The following EYS variants were observed in gnomAD, a reference collection of about 807,000 sequenced individuals.
EYS encodes EGF-like photoreceptor maintenance factor.
A neutral mutation model predicts 282.1 loss-of-function variants in EYS; 250 were observed. The observed-to-expected ratio is 0.89, with a 90% CI of 0.80 to 0.98. EYS has a LOEUF of 0.98. Ranked by LOEUF, EYS falls within the 50% of genes least tolerant of loss-of-function variation. The probability of loss-of-function intolerance (pLI) is 0.00; values close to 1 mark genes in which losing one functional copy is unlikely to be tolerated. For synonymous variants in EYS, 1,355 were observed against 1,282.9 expected (o/e 1.06, Z -1.20); for missense variants, 4,016 against 3,709.0 (o/e 1.08, Z -2.15).
At chr6:64,807,438 C>T (rs1480068284) in intron 22 of EYS, among the ~76,000 whole-genome samples, 1 of 151,904 alleles carries the variant, frequency 6.6e-6, no homozygotes, top group African/African-American at 2.4e-5. Flanking sequence ...TTCCCTCAGC[C>T]CTAAAACTCA....
intron 36 of EYS, among the ~76,000 whole-genome samples, chr6:63,845,681 C>CT (rs143190194): frequency 2.3e-4 from 35 of 151,770 alleles, no homozygotes; most frequent in Non-Finnish European, 4.7e-4. Context: ...GTCTAGGGGA[C>CT]TTTTTTTTAT....
intron 26 of EYS, among the ~76,000 whole-genome samples, chr6:64,445,590 T>G (rs566519422): frequency 2.0e-5 from 3 of 152,224 alleles, no homozygotes; most frequent in Non-Finnish European, 4.4e-5. Context: ...CAGATGGATG[T>G]ATGTTTATGG....
chr6:65,189,614 A>G (rs1419329365), intron 12 of EYS, among the ~76,000 whole-genome samples: 1 of 151,780 alleles, frequency 6.6e-6, no homozygotes, highest in African/African-American at 2.4e-5. Flanking sequence ...TACGTTAAAG[A>G]AGGTTTACAA....
chr6:64,442,156 G>C (rs1338353910), intron 26 of EYS, among the ~76,000 whole-genome samples: 1 of 152,158 alleles, frequency 6.6e-6, no homozygotes, highest in Non-Finnish European at 1.5e-5. Flanking sequence ...CTAAGACAGA[G>C]ATTAGGAACT....
At chr6:63,944,475 TTGTATTTTCATGTACAACATGA>T (rs774736709) in intron 35 of EYS, among the ~76,000 whole-genome samples, 5 of 152,228 alleles carry the variant, frequency 3.3e-5, no homozygotes, top group Non-Finnish European at 7.3e-5. Flanking sequence ...TGACAGATAA[TTGTATTTTCATGTACAACATGA>T]TGTTTCAAAG....
chr6:64,769,942 TAC>T (rs1012097681), intron 22 of EYS, among the ~76,000 whole-genome samples: 23 of 152,042 alleles, frequency 1.5e-4, no homozygotes, highest in Admixed American at 1.1e-3. Flanking sequence ...TGTATATATA[TAC>T]ACACACACAT....
intron 30 of EYS, among the ~76,000 whole-genome samples, chr6:64,269,504 C>A (rs1767869771): frequency 6.6e-6 from 1 of 151,864 alleles, no homozygotes. Context: ...CTAAAACCAA[C>A]CAACCGACTA....
chr6:64,163,336 T>C (rs1203903640), intron 31 of EYS, among the ~76,000 whole-genome samples: 1 of 152,128 alleles, frequency 6.6e-6, no homozygotes, highest in African/African-American at 2.4e-5. Flanking sequence ...TTTTTATGCC[T>C]TCTTAAAAAG....
At chr6:64,119,399 A>G (rs183419451) in intron 31 of EYS, among the ~76,000 whole-genome samples, 3 of 152,330 alleles carry the variant, frequency 2.0e-5, no homozygotes, top group Admixed American at 1.3e-4. Flanking sequence ...TTGATACAGC[A>G]TAAGTATAAT....
chr6:64,550,163 T>C (rs1474922266), intron 26 of EYS, among the ~76,000 whole-genome samples: 1 of 152,174 alleles, frequency 6.6e-6, no homozygotes, highest in Non-Finnish European at 1.5e-5. Context: ...TGGTTCCAAG[T>C]CTTTGCTATT....
intron 12 of EYS, among the ~76,000 whole-genome samples, chr6:65,293,384 A>G (rs72884830): frequency 0.03 from 4,590 of 151,962 alleles, 103 homozygotes; most frequent in Middle Eastern, 0.078. Flanking sequence ...AGAGTTAAAA[A>G]TATTTGGAGA....
chr6:65,345,189 CA>C (rs1770347736), intron 9 of EYS, among the ~76,000 whole-genome samples: 1 of 151,636 alleles, frequency 6.6e-6, no homozygotes, highest in Non-Finnish European at 1.5e-5. Flanking sequence ...CAAATCTCTT[CA>C]ATCATATGTA....
At chr6:64,436,043 C>T (rs1315363981) in intron 28 of EYS, 131 bp downstream of exon 28, 2 of 431,314 alleles carry the variant, frequency 4.6e-6, no homozygotes, top group African/African-American at 4.1e-5. Context: ...GCTTGACAAA[C>T]ATTAATTCAT....
rs868245881 is a variant in EYS, at chr6:63,788,240, G to A, written c.7588C>T (p.His2530Tyr). 1 of 1,532,368 alleles carries A rather than the reference G, an allele frequency of 6.5e-7. No homozygotes were observed. The highest frequency in any genetic ancestry group is 1.3e-5 in the South Asian group (1 of 78,568). 94.9% of individuals were successfully genotyped at this position (1,532,368 alleles called of 1,614,324 possible). A position where few individuals can be genotyped will look rare whatever the true frequency, so the allele number is the denominator to read the frequency against. The part of the protein sequence containing the change: ...FQEGWLKVDD[H>Y]KNKSIIAPGR... ...GGGGCGATAATGGATTTATTTTTAT[G>A]ATCATCTACCTTCGAAAGGGAAAAA... The change falls in exon 39 of 43, where the codon CAT (histidine) becomes TAT (tyrosine). Residue 2530 changes from histidine to tyrosine, a missense_variant. Physicochemically the swap from His to Tyr is moderately conservative, Grantham distance 83. Transcript: ENST00000503581.
chr6:64,345,207 G>A (rs960230117), intron 29 of EYS, among the ~76,000 whole-genome samples: 5 of 151,968 alleles, frequency 3.3e-5, no homozygotes, highest in Non-Finnish European at 7.4e-5. Flanking sequence ...CTACTTTAAA[G>A]TTCATATGGA....
intron 31 of EYS, among the ~76,000 whole-genome samples, chr6:64,144,988 T>A (rs559045559): frequency 6.6e-6 from 1 of 152,206 alleles, no homozygotes; most frequent in Non-Finnish European, 1.5e-5. Context: ...GCTTTTCTTT[T>A]TCTTTTGGTG....
chr6:65,374,874 TG>T (rs1429266462), intron 8 of EYS, among the ~76,000 whole-genome samples: 2 of 152,134 alleles, frequency 1.3e-5, no homozygotes, highest in Non-Finnish European at 2.9e-5. Flanking sequence ...GAAAGGCAGC[TG>T]CCCCAGTCAG....
intron 12 of EYS, among the ~76,000 whole-genome samples, chr6:65,225,468 C>A (rs1302585198): frequency 2.0e-5 from 3 of 151,836 alleles, no homozygotes; most frequent in Non-Finnish European, 4.4e-5. Context: ...GTAATCCCAG[C>A]ACTTTGGGAG....
chr6:64,930,471 A>G (rs1298494249), intron 15 of EYS, among the ~76,000 whole-genome samples: 1 of 151,046 alleles, frequency 6.6e-6, no homozygotes, highest in African/African-American at 2.4e-5. Context: ...TAAAAAAAAA[A>G]AAAAAAAAAA....
Sources: allele counts gnomAD v4.1 joint callset (sites outside exome capture counted in the v4.1 genomes callset), GRCh38; gene constraint gnomAD v4.1.1; transcripts MANE v1.5; gene names NCBI Gene and HGNC (gene_info 2026-07-23, HGNC 2026-07-21).